Variants in LRMDA observed in about 807,000 individuals in gnomAD.
LRMDA encodes the protein leucine rich melanocyte differentiation associated.
In LRMDA, 18 loss-of-function variants were observed where a neutral mutation model predicts 29.8. The ratio of observed to expected loss-of-function variants is 0.60; its 90% CI spans 0.42 to 0.90. The LOEUF is 0.90. LRMDA is among the 40% of genes least tolerant of loss of function. The probability of loss-of-function intolerance (pLI) is 0.00; values close to 1 mark genes in which losing one functional copy is unlikely to be tolerated. For missense variants in LRMDA, 273 were observed against 273.9 expected (o/e 1.00, Z 0.02); for synonymous variants, 125 against 109.4 (o/e 1.14, Z -0.89).
chr10:75,928,253 G>A (rs1427377123), intron 2 of LRMDA, among the ~76,000 whole-genome samples: 1 of 148,598 alleles, frequency 6.7e-6, no homozygotes, highest in Non-Finnish European at 1.5e-5. Context: ...TGGGAAGAGT[G>A]GCAGTGGCTA....
chr10:76,068,883 C>T (rs146490302), intron 5 of LRMDA, among the ~76,000 whole-genome samples: 4 of 152,352 alleles, frequency 2.6e-5, no homozygotes, highest in African/African-American at 9.6e-5. Flanking sequence ...CACCCCGTTC[C>T]ACCACCCTGC....
chr10:75,585,383 A>T (rs1346770720), intron 2 of LRMDA, among the ~76,000 whole-genome samples: 1 of 152,242 alleles, frequency 6.6e-6, no homozygotes, highest in African/African-American at 2.4e-5. Flanking sequence ...GCAAAATTTT[A>T]AAAAGCTAAT....
chr10:75,628,368 G>T (rs1457548864), intron 2 of LRMDA, among the ~76,000 whole-genome samples: 1 of 152,142 alleles, frequency 6.6e-6, no homozygotes, highest in African/African-American at 2.4e-5. Flanking sequence ...TAAGTTTGAG[G>T]GTGGAAGGTG....
At chr10:75,961,316 T>A (rs937043520) in intron 2 of LRMDA, among the ~76,000 whole-genome samples, 5 of 152,278 alleles carry the variant, frequency 3.3e-5, no homozygotes, top group African/African-American at 1.2e-4. Flanking sequence ...TATAATTACA[T>A]ATTCCTAATG....
chr10:75,823,761 C>T (rs115765274), intron 2 of LRMDA, among the ~76,000 whole-genome samples: 137 of 151,402 alleles, frequency 9.0e-4, no homozygotes, highest in African/African-American at 3.3e-3. Flanking sequence ...CTTACATACA[C>T]ACACACACAC....
chr10:75,609,319 G>A (rs1236182025), intron 2 of LRMDA, among the ~76,000 whole-genome samples: 1 of 152,198 alleles, frequency 6.6e-6, no homozygotes, highest in Non-Finnish European at 1.5e-5. Flanking sequence ...GTTCATGAGT[G>A]AAGTGTCAAG....
At chr10:75,984,302 G>T (rs1256901401) in intron 2 of LRMDA, among the ~76,000 whole-genome samples, 1 of 151,872 alleles carries the variant, frequency 6.6e-6, no homozygotes, top group Admixed American at 6.6e-5. Context: ...CAAACCAGCA[G>T]GTGGAGGAGG....
chr10:75,594,020 T>C (rs1458389952), intron 2 of LRMDA, among the ~76,000 whole-genome samples: 1 of 152,258 alleles, frequency 6.6e-6, no homozygotes, highest in African/African-American at 2.4e-5. Flanking sequence ...CCAGTTGTTC[T>C]GTGAGTAAGA....
At chr10:75,780,032 A>G (rs1843362101) in intron 2 of LRMDA, among the ~76,000 whole-genome samples, 1 of 152,146 alleles carries the variant, frequency 6.6e-6, no homozygotes, top group Non-Finnish European at 1.5e-5. Flanking sequence ...AGGCCATATG[A>G]AGATAGGAAG....
At chr10:76,360,015 A>G (rs973524398) in intron 6 of LRMDA, among the ~76,000 whole-genome samples, 1 of 151,454 alleles carries the variant, frequency 6.6e-6, no homozygotes, top group Non-Finnish European at 1.5e-5. Flanking sequence ...TTTTTTTGAG[A>G]CGCAGTTTCG....
chr10:76,171,108 G>T (rs979146144), intron 5 of LRMDA, among the ~76,000 whole-genome samples: 1 of 152,160 alleles, frequency 6.6e-6, no homozygotes, highest in African/African-American at 2.4e-5. Flanking sequence ...TGTGCCTAGA[G>T]AAAGAAGCTG....
chr10:76,416,961 G>A (rs1378207456), intron 6 of LRMDA, among the ~76,000 whole-genome samples: 1 of 152,178 alleles, frequency 6.6e-6, no homozygotes, highest in Admixed American at 6.5e-5. Context: ...GAGGCATAGT[G>A]CATCTCCTAG....
chr10:75,608,573 G>A (rs959876864), intron 2 of LRMDA, among the ~76,000 whole-genome samples: 5 of 152,090 alleles, frequency 3.3e-5, no homozygotes, highest in Non-Finnish European at 7.3e-5. Context: ...TAATGTACAT[G>A]TATATTAAAG....
chr10:75,669,567 T>G (rs2132141797), intron 2 of LRMDA, among the ~76,000 whole-genome samples: 1 of 152,354 alleles, frequency 6.6e-6, no homozygotes, highest in Middle Eastern at 3.4e-3. Context: ...TACTTTAGAC[T>G]TTTACAGTAA....
At chr10:75,926,297 G>A (rs139280985) in intron 2 of LRMDA, among the ~76,000 whole-genome samples, 195 of 152,320 alleles carry the variant, frequency 1.3e-3, no homozygotes, top group African/African-American at 4.3e-3. Context: ...AAAAAGTGGA[G>A]CAGGGGAGAG....
At chr10:76,197,548 G>A (rs1195359482) in intron 5 of LRMDA, among the ~76,000 whole-genome samples, 1 of 152,118 alleles carries the variant, frequency 6.6e-6, no homozygotes, top group Non-Finnish European at 1.5e-5. Flanking sequence ...ATATTTAGTG[G>A]GTAGAAGCCG....
intron 6 of LRMDA, among the ~76,000 whole-genome samples, chr10:76,378,363 G>A (rs112098833): frequency 2.0e-5 from 3 of 150,202 alleles, no homozygotes; most frequent in South Asian, 2.2e-4. Flanking sequence ...TTCCCAATTT[G>A]GATGCCTTTT....
At chr10:76,541,754 A>C (rs1200103933) in intron 6 of LRMDA, among the ~76,000 whole-genome samples, 2 of 152,082 alleles carry the variant, frequency 1.3e-5, no homozygotes, top group African/African-American at 2.4e-5. Context: ...GCCAGTCCAG[A>C]GTAGTTTAAA....
chr10:75,968,279 C>T (rs1368128752), intron 2 of LRMDA, among the ~76,000 whole-genome samples: 2 of 152,062 alleles, frequency 1.3e-5, no homozygotes, highest in East Asian at 3.9e-4. Flanking sequence ...AGTTGTGGGG[C>T]TGATCTGTGC....
Sources: gnomAD v4.1 joint callset for allele counts (sites outside exome capture counted in the v4.1 genomes callset) on GRCh38, gnomAD v4.1.1 for gene constraint, MANE v1.5 for transcripts, NCBI Gene and HGNC (gene_info 2026-07-23, HGNC 2026-07-21) for gene names.